EXOC6B: variants seen among roughly 807,000 people sequenced by gnomAD.
EXOC6B encodes the protein SEC15 homolog B.
A neutral mutation model predicts 113.5 loss-of-function variants in EXOC6B; 54 were observed. The ratio of observed to expected loss-of-function variants is 0.48; its 90% confidence interval spans 0.38 to 0.60. The LOEUF (loss-of-function observed/expected upper bound fraction) is 0.60. Among genes scored for constraint, EXOC6B ranks in the 20% least tolerant of loss-of-function variants. The pLI, the probability that EXOC6B is intolerant of heterozygous loss-of-function variation, is 0.00. For missense variants in EXOC6B, 797 were observed against 977.5 expected (o/e 0.82, Z 2.46); for synonymous variants, 357 against 339.0 (o/e 1.05, Z -0.58).
intron 6 of EXOC6B, among the ~76,000 whole-genome samples, chr2:72,644,422 C>T (rs914955778): frequency 6.6e-6 from 1 of 152,140 alleles, no homozygotes; most frequent in Admixed American, 6.5e-5. Context: ...CATTCAAATT[C>T]AGAAAATACA....
At chr2:72,813,578 C>T (rs1354948159) in intron 1 of EXOC6B, among the ~76,000 whole-genome samples, 1 of 152,074 alleles carries the variant, frequency 6.6e-6, no homozygotes, top group Admixed American at 6.5e-5. Context: ...CTTTACCTGA[C>T]CAAAAACAAA....
chr2:72,480,624 T>C lies in EXOC6B; in HGVS notation c.1792A>G (p.Thr598Ala). 1 of 1,582,162 alleles carries C rather than the reference T, an allele frequency of 6.3e-7. No individual in the cohort carries two copies. The highest frequency in any genetic ancestry group is 2.3e-5 in the East Asian group (1 of 43,854). The change falls in exon 17 of 22, where the codon ACT (threonine) becomes GCT (alanine). Residue 598 changes from threonine (T) to alanine (A), a missense_variant. Transcript: ENST00000272427. ...VHTTKLYGTT[T>A]FKDARHAAEE... ...CTGTAGGGCCCTCTCACCTTAAAAG[T>C]TGTGGTGCCATAGAGCTTGGTAGTG...
chr2:72,387,034 T>A (rs1215764724), intron 18 of EXOC6B, among the ~76,000 whole-genome samples: 1 of 152,180 alleles, frequency 6.6e-6, no homozygotes, highest in Admixed American at 6.5e-5. Flanking sequence ...TAGATATCCT[T>A]TATCAGATTA....
At chr2:72,231,807 T>C (rs1324283600) in intron 20 of EXOC6B, among the ~76,000 whole-genome samples, 1 of 152,144 alleles carries the variant, frequency 6.6e-6, no homozygotes. Flanking sequence ...TATATATATA[T>C]GTGCTTATAC....
chr2:72,392,577 C>G (rs1440911827), intron 18 of EXOC6B, among the ~76,000 whole-genome samples: 1 of 152,204 alleles, frequency 6.6e-6, no homozygotes, highest in Non-Finnish European at 1.5e-5. Context: ...TCTGCTTCTA[C>G]TGACTATTTA....
rs181905704 is a variant in EXOC6B, at chr2:72,525,821, G to A, written c.916-10695C>T. 4.9e-3 allele frequency among the ~76,000 whole-genome samples: 747 copies of A among 152,116 alleles called. 10 individuals are homozygous for A. The highest frequency in any genetic ancestry group is 0.017 in the African/African-American group (693 of 41,508). On this transcript the variant is annotated intron_variant, in intron 8 of 21. Transcript: ENST00000272427. ...TCCATAACATACCAGTTACAACTAA[G>A]GGTATGTGAGAACAGAAATAAACCA... is the stretch of plus-strand genomic sequence containing the variant.
At chr2:72,649,742 A>C (rs1674022082) in intron 6 of EXOC6B, among the ~76,000 whole-genome samples, 2 of 152,178 alleles carry the variant, frequency 1.3e-5, no homozygotes, top group Non-Finnish European at 1.5e-5. Flanking sequence ...ATGGAACAGA[A>C]GAGATCCCAG....
chr2:72,820,286 G>A (rs1472657935), intron 1 of EXOC6B, among the ~76,000 whole-genome samples: 1 of 152,016 alleles, frequency 6.6e-6, no homozygotes, highest in African/African-American at 2.4e-5. Context: ...GTTCTAGAAG[G>A]AAAAGCACCA....
At chr2:72,505,120 T>C (rs183508757) in intron 11 of EXOC6B, among the ~76,000 whole-genome samples, 40 of 152,330 alleles carry the variant, frequency 2.6e-4, no homozygotes, top group African/African-American at 8.9e-4. Flanking sequence ...AATCTTTTCC[T>C]TTATGGATAG....
chr2:72,515,653 T>C (rs1701175059), intron 8 of EXOC6B: 2 of 989,238 alleles, frequency 2.0e-6, no homozygotes, highest in South Asian at 9.3e-5. Flanking sequence ...GCATGAAGAT[T>C]CCTGGTGCAC....
chr2:72,761,170 C>G (rs1168042289), intron 1 of EXOC6B, among the ~76,000 whole-genome samples: 1 of 151,922 alleles, frequency 6.6e-6, no homozygotes, highest in East Asian at 1.9e-4. Context: ...AAGAGCAAGA[C>G]TCTGTCTCAA....
intron 18 of EXOC6B, among the ~76,000 whole-genome samples, chr2:72,439,643 G>T (rs1264992806): frequency 6.6e-6 from 1 of 152,162 alleles, no homozygotes; most frequent in Non-Finnish European, 1.5e-5. Context: ...ATATTTAGCT[G>T]CCTTGCATTT....
At chr2:72,465,546 G>A (rs372440523) in intron 17 of EXOC6B, among the ~76,000 whole-genome samples, 97 of 152,172 alleles carry the variant, frequency 6.4e-4, no homozygotes, top group African/African-American at 2.2e-3. Context: ...CATCCTAAGA[G>A]ATGCTAAAAT....
At chr2:72,344,902 C>G (rs1243343744) in intron 19 of EXOC6B, among the ~76,000 whole-genome samples, 1 of 151,912 alleles carries the variant, frequency 6.6e-6, no homozygotes, top group Non-Finnish European at 1.5e-5. Context: ...AACAACAATC[C>G]TGGGAAAACA....
intron 20 of EXOC6B, among the ~76,000 whole-genome samples, chr2:72,298,167 T>C (rs759624078): frequency 2.1e-4 from 32 of 152,212 alleles, no homozygotes; most frequent in Non-Finnish European, 4.0e-4. Flanking sequence ...TGAATCTGGG[T>C]GCTCCTATAA....
At chr2:72,653,646 G>A (rs1288393776) in intron 6 of EXOC6B, among the ~76,000 whole-genome samples, 1 of 144,124 alleles carries the variant, frequency 6.9e-6, no homozygotes, top group Non-Finnish European at 1.5e-5. Flanking sequence ...CGAGTTGAAA[G>A]AGATCTAAAA....
At chr2:72,508,844 A>G (rs899891794) in intron 11 of EXOC6B, among the ~76,000 whole-genome samples, 1 of 152,156 alleles carries the variant, frequency 6.6e-6, no homozygotes, top group Non-Finnish European at 1.5e-5. Flanking sequence ...TGTCAGATAC[A>G]ATAATCACAA....
chr2:72,534,062 G>A (rs114669222), intron 8 of EXOC6B, among the ~76,000 whole-genome samples: 1 of 152,208 alleles, frequency 6.6e-6, no homozygotes, highest in African/African-American at 2.4e-5. Flanking sequence ...ATGTCAGATT[G>A]GCATAGTGAG....
At chr2:72,597,343 A>T (rs981178242) in intron 6 of EXOC6B, among the ~76,000 whole-genome samples, 1 of 151,798 alleles carries the variant, frequency 6.6e-6, no homozygotes, top group Non-Finnish European at 1.5e-5. Context: ...TATCTGCCCT[A>T]CTATGAAGCA....
Sources: gnomAD v4.1 joint callset for allele counts (sites outside exome capture counted in the v4.1 genomes callset) on GRCh38, gnomAD v4.1.1 for gene constraint, MANE v1.5 for transcripts, NCBI Gene and HGNC (gene_info 2026-07-23, HGNC 2026-07-21) for gene names.